PSMF1: variants seen among roughly 807,000 people sequenced by gnomAD.
PSMF1 encodes the protein proteasome inhibitor PI31 subunit.
In PSMF1, 30 loss-of-function variants were observed where a neutral mutation model predicts 29.3. That is an observed-to-expected ratio of 1.02 (90% CI 0.77 to 1.39). The LOEUF (loss-of-function observed/expected upper bound fraction) is 1.39, where lower values mean the gene tolerates loss of function less well. Ranked by LOEUF, PSMF1 falls within the 40% of genes most tolerant of loss-of-function variation. The pLI is 0.00. For missense variants in PSMF1, 344 were observed against 357.5 expected (o/e 0.96, Z 0.31); for synonymous variants, 134 against 139.7 (o/e 0.96, Z 0.29).
chr20:1,118,619 C>A lies in PSMF1; in HGVS notation c.-155C>A. The A allele has an allele frequency of 1.1e-6, 1 of 914,246 alleles. No homozygotes were observed. 56.6% of individuals were successfully genotyped at this position (914,246 alleles called of 1,614,324 possible). The stretch of plus-strand genomic sequence containing the variant: ...CTACTTCCGGCTTCCCCGCCCCGCC[C>A]CGTCCCCGGGCGTCTCCATTTTGGT... On this transcript the variant is annotated 5_prime_UTR_variant, in exon 1 of 7. Coordinates refer to ENST00000335877, the MANE Select transcript of PSMF1 (RefSeq NM_006814.5).
intron 4 of PSMF1, among the ~76,000 whole-genome samples, chr20:1,158,876 C>A (rs746463670): frequency 6.6e-6 from 1 of 152,026 alleles, no homozygotes; most frequent in South Asian, 2.1e-4. Flanking sequence ...CCCCCTCCCT[C>A]TGTACTATTT....
intron 4 of PSMF1, among the ~76,000 whole-genome samples, chr20:1,157,285 A>G (rs1185012330): frequency 1.3e-5 from 2 of 152,204 alleles, no homozygotes; most frequent in African/African-American, 2.4e-5. Flanking sequence ...CCCAGGATCA[A>G]TATTTTGTAT....
chr20:1,126,195 G>C (rs770786240), intron 2 of PSMF1, among the ~76,000 whole-genome samples: 1 of 152,160 alleles, frequency 6.6e-6, no homozygotes, highest in Non-Finnish European at 1.5e-5. Context: ...TTTCCTGCCT[G>C]ACACTCATTG....
Position 1,165,206 on chromosome 20 carries a change from G to A in PSMF1, c.*126G>A. The A allele has an allele frequency of 1.3e-6, 2 of 1,525,740 alleles. No individual in the cohort carries two copies. Among genetic ancestry groups the A allele is most frequent in the Non-Finnish European group, 1.8e-6 (2 of 1,134,656 alleles). The allele number at this position is 1,525,740 out of a possible 1,614,324, so 94.5% of individuals were successfully genotyped here. A position where few individuals can be genotyped will look rare whatever the true frequency, so the allele number is the denominator to read the frequency against. Reference sequence around the variant, plus strand: ...ATTCTGCTCATGTGTTTGCAGACCGGCTGGGATAGCCTCCCCACCCCTTAT... The same window carrying A: ...ATTCTGCTCATGTGTTTGCAGACCGACTGGGATAGCCTCCCCACCCCTTAT... On this transcript the variant is annotated 3_prime_UTR_variant, in exon 7 of 7. Coordinates refer to ENST00000335877, the MANE Select transcript of PSMF1 (RefSeq NM_006814.5).
At chr20:1,138,844 C>A (rs1049062897) in intron 4 of PSMF1, among the ~76,000 whole-genome samples, 5 of 141,512 alleles carry the variant, frequency 3.5e-5, no homozygotes, top group African/African-American at 5.1e-5. Context: ...CAAAAAAAAA[C>A]AAAACCAAAC....
rs2086713373 is a variant in PSMF1 at position 1,165,134 on chromosome 20, C to A, written c.*54C>A. ...TCCCTCCATTCTCCTGGAGCTGCCACCGCTGTCCCCATCAGCAACCATGTT... is the reference window on the plus strand; with the variant it reads ...TCCCTCCATTCTCCTGGAGCTGCCAACGCTGTCCCCATCAGCAACCATGTT... On this transcript the variant is annotated 3_prime_UTR_variant, in exon 7 of 7. Coordinates refer to ENST00000335877, the MANE Select transcript of PSMF1 (RefSeq NM_006814.5). The A allele has an allele frequency of 1.2e-6, 2 of 1,613,844 alleles. No individual in the cohort carries two copies. The highest frequency in any genetic ancestry group is 4.5e-5 in the East Asian group (2 of 44,874).
At chr20:1,123,719 G>A (rs905365552) in intron 1 of PSMF1, among the ~76,000 whole-genome samples, 4 of 152,198 alleles carry the variant, frequency 2.6e-5, no homozygotes, top group Non-Finnish European at 5.9e-5. Context: ...AGGGATTTTG[G>A]ATCATAGGAT....
In PSMF1 at chr20:1,169,630, A is replaced by G. The variant is rs907407310; in HGVS notation, c.*4550A>G. On this transcript the variant is annotated 3_prime_UTR_variant, in exon 7 of 7. Coordinates refer to ENST00000335877, the MANE Select transcript of PSMF1 (RefSeq NM_006814.5). The stretch of plus-strand genomic sequence containing the variant: ...GTCCAGAGAGCAGCAGGATCACATC[A>G]TCATTGCTACAATCTGGGGATTAGG... 1.2e-4 allele frequency among the ~76,000 whole-genome samples: 18 copies of G among 152,206 alleles called. No homozygotes were observed. Among genetic ancestry groups the G allele is most frequent in the Non-Finnish European group, 2.4e-4 (16 of 68,028 alleles).
At chr20:1,123,882 C>T (rs576216620) in intron 1 of PSMF1, among the ~76,000 whole-genome samples, 13 of 152,308 alleles carry the variant, frequency 8.5e-5, no homozygotes, top group African/African-American at 2.6e-4. Flanking sequence ...AATAACAGTC[C>T]GAATCATGTA....
At chr20:1,124,738 G>A (rs6133961) in intron 1 of PSMF1, among the ~76,000 whole-genome samples, 1 of 152,098 alleles carries the variant, frequency 6.6e-6, no homozygotes, top group Non-Finnish European at 1.5e-5. Context: ...GCATTGACAT[G>A]GATACATTTC....
chr20:1,120,213 C>T (rs1049027507), intron 1 of PSMF1, among the ~76,000 whole-genome samples: 3 of 152,028 alleles, frequency 2.0e-5, no homozygotes, highest in African/African-American at 4.8e-5. Context: ...TTTTTTTCCC[C>T]AGACCTCAAT....
chr20:1,155,918 A>G (rs1156927200), intron 4 of PSMF1, among the ~76,000 whole-genome samples: 1 of 152,234 alleles, frequency 6.6e-6, no homozygotes, highest in Non-Finnish European at 1.5e-5. Context: ...AGAAAATTTC[A>G]ACTCTGAAAA....
At chr20:1,116,654 C>T (rs1258258667), upstream of PSMF1, among the ~76,000 whole-genome samples, 1 of 152,182 alleles carries the variant, frequency 6.6e-6, no homozygotes. Flanking sequence ...CACTCAGGTA[C>T]ATATGTGCAC....
intron 3 of PSMF1, among the ~76,000 whole-genome samples, chr20:1,130,561 C>A (rs754834427): frequency 1.3e-5 from 2 of 152,180 alleles, no homozygotes; most frequent in Non-Finnish European, 2.9e-5. Context: ...CTTTTGGTTA[C>A]CGATTTAAAC....
At chr20:1,149,784 C>T (rs892183868) in intron 4 of PSMF1, among the ~76,000 whole-genome samples, 2 of 152,128 alleles carry the variant, frequency 1.3e-5, no homozygotes, top group African/African-American at 4.8e-5. Context: ...ACCTGTAATC[C>T]CAGCACTTCA....
upstream of PSMF1, among the ~76,000 whole-genome samples, chr20:1,117,527 A>G (rs962689932): frequency 6.6e-6 from 1 of 152,126 alleles, no homozygotes; most frequent in African/African-American, 2.4e-5. Flanking sequence ...TATTTTTAGT[A>G]GAGACAGGGT....
rs1306477420 is a variant in PSMF1 at position 1,170,689 on chromosome 20, G to T, written c.*5609G>T. Reference sequence around the variant, plus strand: ...CACAAAATGAGCATCACCCCTACCTGCAGGATTCTTGCAAGATCCAACCAA... The same window carrying T: ...CACAAAATGAGCATCACCCCTACCTTCAGGATTCTTGCAAGATCCAACCAA... On this transcript the variant is annotated 3_prime_UTR_variant, in exon 7 of 7. Coordinates refer to ENST00000335877, the MANE Select transcript of PSMF1 (RefSeq NM_006814.5). 1.3e-5 allele frequency among the ~76,000 whole-genome samples: 2 copies of T among 151,728 alleles called. No homozygotes were observed. The highest frequency in any genetic ancestry group is 4.8e-5 in the African/African-American group (2 of 41,282).
upstream of PSMF1, among the ~76,000 whole-genome samples, chr20:1,117,175 A>G (rs1249882757): frequency 6.6e-6 from 1 of 152,132 alleles, no homozygotes; most frequent in South Asian, 2.1e-4. Context: ...AAAGGGGATG[A>G]GAGGACAGTT....
intron 4 of PSMF1, among the ~76,000 whole-genome samples, chr20:1,153,692 T>C (rs1377209904): frequency 6.6e-6 from 1 of 152,164 alleles, no homozygotes; most frequent in Non-Finnish European, 1.5e-5. Flanking sequence ...AAATATATCT[T>C]TCTTCCCCTG....
Sources: gnomAD v4.1 joint callset for allele counts (sites outside exome capture counted in the v4.1 genomes callset) on GRCh38, gnomAD v4.1.1 for gene constraint, MANE v1.5 for transcripts, NCBI Gene and HGNC (gene_info 2026-07-23, HGNC 2026-07-21) for gene names.